MARK3: variants seen among roughly 807,000 people sequenced by gnomAD.
MARK3 encodes MAP/microtubule affinity-regulating kinase 3.
Under a neutral mutation model 90.1 loss-of-function variants are expected in MARK3, and 46 were observed. The observed-to-expected ratio is 0.51, with a 90% CI of 0.40 to 0.65. The LOEUF (loss-of-function observed/expected upper bound fraction) is 0.65. MARK3 is among the 30% of genes least tolerant of loss of function. The pLI, the probability that MARK3 is intolerant of heterozygous loss-of-function variation, is 0.00. For missense variants in MARK3, 818 were observed against 947.2 expected, an observed-to-expected ratio of 0.86 and a Z score of 1.79; for synonymous variants, 321 against 332.6, an observed-to-expected ratio of 0.97 and a Z score of 0.38.
Position 103,466,486 on chromosome 14 carries a change from A to G in MARK3, c.997+44A>G, listed in dbSNP as rs781739212. 6.1e-6 allele frequency: 8 copies of G among 1,302,508 alleles called. No individual in the cohort carries two copies. In the South Asian group the frequency reaches 8.7e-5, roughly 14 times the overall value. 80.7% of individuals were successfully genotyped at this position (1,302,508 alleles called of 1,614,324 possible). On this transcript the variant is annotated intron_variant, in intron 10 of 17. Transcript: ENST00000429436. ...CATGTTCATGTGTTTTTGTCTAAGTAACATATTTCTGTTTTGACTCATGTC... is the reference window on the plus strand; with the variant it reads ...CATGTTCATGTGTTTTTGTCTAAGTGACATATTTCTGTTTTGACTCATGTC...
intron 2 of MARK3, among the ~76,000 whole-genome samples, chr14:103,407,584 C>T (rs1393246656): frequency 3.1e-5 from 1 of 31,878 alleles, no homozygotes. Flanking sequence ...TTTTTTGAGA[C>T]GGAGTCTAGC....
chr14:103,413,528 A>G (rs1049096065), intron 2 of MARK3, among the ~76,000 whole-genome samples: 14 of 150,112 alleles, frequency 9.3e-5, no homozygotes, highest in South Asian at 2.1e-4. Context: ...GACTCAAGCA[A>G]CCTCCCACTT....
intron 6 of MARK3, chr14:103,458,764 C>A: frequency 1.4e-6 from 1 of 728,820 alleles, no homozygotes; most frequent in Admixed American, 1.9e-5. Context: ...GTTCAAGTCT[C>A]CTTTGATTTG....
chr14:103,444,146 T>C (rs1397000981), intron 3 of MARK3, among the ~76,000 whole-genome samples: 2 of 150,474 alleles, frequency 1.3e-5, no homozygotes, highest in Non-Finnish European at 3.0e-5. Flanking sequence ...TTTCTACTTG[T>C]CAAAAGGTAA....
chr14:103,458,725 A>C, intron 6 of MARK3: 8 of 715,462 alleles, frequency 1.1e-5, no homozygotes, highest in Non-Finnish European at 2.0e-5. Flanking sequence ...ATTCATATAC[A>C]GGGTTGTCAA....
intron 1 of MARK3, 197 bp downstream of exon 1, chr14:103,386,277 C>T (rs1016709174): frequency 4.2e-6 from 3 of 706,760 alleles, no homozygotes; most frequent in Non-Finnish European, 7.8e-6. Context: ...GGCGGGTCTG[C>T]GAAGTACATC....
rs1167386363 is a variant in MARK3, at chr14:103,462,457, T to G, written c.536T>G (p.Leu179Arg). 1 of 1,601,610 alleles carries G rather than the reference T, an allele frequency of 6.2e-7. No homozygotes were observed. The highest frequency in any genetic ancestry group is 8.5e-7 in the Non-Finnish European group (1 of 1,169,908). ...CHQKRIVHRD[L>R]KAENLLLDAD... ...CAGAAACGGATCGTACATCGAGACCTCAAGGTGAGTAGAAGTGCCTCACTC... is the reference window on the plus strand; with the variant it reads ...CAGAAACGGATCGTACATCGAGACCGCAAGGTGAGTAGAAGTGCCTCACTC... Residue 179 changes from leucine to arginine, a missense_variant, in exon 7 of 18, where the codon CTC becomes CGC. Coordinates refer to ENST00000429436, the MANE Select transcript of MARK3 (RefSeq NM_001128918.3).
chr14:103,387,882 A>G (rs781216876), intron 1 of MARK3, among the ~76,000 whole-genome samples: 12 of 152,154 alleles, frequency 7.9e-5, no homozygotes, highest in Admixed American at 2.0e-4. Flanking sequence ...ACTGAAGCCA[A>G]AAACAGTCAT....
At chr14:103,461,289 G>A (rs762023301) in intron 6 of MARK3, among the ~76,000 whole-genome samples, 1 of 152,224 alleles carries the variant, frequency 6.6e-6, no homozygotes, top group South Asian at 2.1e-4. Flanking sequence ...TAGTGGTAAT[G>A]CAGGAATATA....
At chr14:103,478,811 T>A (rs2093766161) in intron 13 of MARK3, among the ~76,000 whole-genome samples, 1 of 152,214 alleles carries the variant, frequency 6.6e-6, no homozygotes, top group Non-Finnish European at 1.5e-5. Flanking sequence ...AGCGCTGGGA[T>A]TACAGGCGTG....
intron 6 of MARK3, among the ~76,000 whole-genome samples, chr14:103,459,457 T>C (rs2093349236): frequency 2.0e-5 from 3 of 152,100 alleles, no homozygotes; most frequent in Admixed American, 2.0e-4. Context: ...AGGATACGCA[T>C]CATATTGGTG....
chr14:103,462,312 A>G, intron 6 of MARK3, 93 bp from the exon 7 acceptor site: 1 of 840,856 alleles, frequency 1.2e-6, no homozygotes, highest in Middle Eastern at 2.5e-4. Context: ...GCGTATACTG[A>G]GTATTCATTA....
chr14:103,503,029 C>T lies in MARK3; in HGVS notation c.2064C>T (p.Cys688=), dbSNP rs543183742. The T allele has an allele frequency of 1.2e-5, 20 of 1,614,224 alleles. No homozygotes were observed. Among genetic ancestry groups the T allele is most frequent in the South Asian group, 6.6e-5 (6 of 91,082 alleles). ...EIRKVLDANN[C]DYEQRERFLL... is the part of the protein sequence containing the mutation. ...GCAAAGTGTTGGACGCCAATAACTG[C>T]GACTATGAGCAGAGGGAGCGCTTCT... The change falls in exon 18 of 18, where the codon TGC becomes TGT. Residue 688 remains cysteine, a synonymous_variant. Transcript: ENST00000429436.
chr14:103,387,934 T>C (rs1183712496), intron 1 of MARK3, among the ~76,000 whole-genome samples: 2 of 151,866 alleles, frequency 1.3e-5, no homozygotes, highest in Non-Finnish European at 2.9e-5. Flanking sequence ...GGGTCTTTTT[T>C]CTTTCTTTCT....
Position 103,385,801 on chromosome 14 carries a change from C to T in MARK3, c.-229C>T, listed in dbSNP as rs968304081. 2.4e-6 allele frequency: 1 copy of T among 423,864 alleles called. No homozygotes were observed. Among genetic ancestry groups the T allele is most frequent in the Non-Finnish European group, 4.1e-6 (1 of 241,164 alleles). The allele number at this position is 423,864 out of a possible 1,614,324, so 26.3% of individuals were successfully genotyped here. A position where few individuals can be genotyped will look rare whatever the true frequency, so the allele number is the denominator to read the frequency against. ...CTCGGCTCCGCCACTGCCGCCCTCC[C>T]GGTCTCCTCGCCTCGGCCGCCGAGG... On this transcript the variant is annotated 5_prime_UTR_variant, in exon 1 of 18. Coordinates refer to ENST00000429436, the MANE Select transcript of MARK3 (RefSeq NM_001128918.3).
intron 11 of MARK3, chr14:103,467,760 A>G (rs1365251241): frequency 4.1e-6 from 1 of 241,322 alleles, no homozygotes; most frequent in African/African-American, 2.3e-5. Flanking sequence ...TAGCTTAGAA[A>G]TGACGTAAAG....
At position 103,465,712 on chromosome 14, in the gene MARK3, A is replaced by G. The variant is rs779705846; in HGVS notation, c.696A>G (p.Pro232=). The G allele has an allele frequency of 1.2e-6, 2 of 1,614,188 alleles. No homozygotes were observed. Among genetic ancestry groups the G allele is most frequent in the African/African-American group, 1.3e-5 (1 of 75,056 alleles). Residue 232 remains proline, a synonymous_variant, in exon 8 of 18, where the codon CCA becomes CCG. Transcript: ENST00000429436. ...TCCAGGGCAAGAAATATGACGGGCCAGAAGTGGATGTGTGGAGTCTGGGGG... is the reference window on the plus strand; with the variant it reads ...TCCAGGGCAAGAAATATGACGGGCCGGAAGTGGATGTGTGGAGTCTGGGGG... ...ELFQGKKYDG[P]EVDVWSLGVI...
intron 2 of MARK3, 96 bp from the exon 3 acceptor site, chr14:103,428,283 GTTGCTTGC>G (rs199659735): frequency 3.2e-5 from 19 of 601,182 alleles, no homozygotes; most frequent in African/African-American, 7.9e-5. Flanking sequence ...TTTGTGGTTT[GTTGCTTGC>G]TTGCTTGCTT....
intron 6 of MARK3, 62 bp downstream of exon 6, chr14:103,457,274 C>G: frequency 1.6e-6 from 2 of 1,274,010 alleles, no homozygotes; most frequent in Non-Finnish European, 2.3e-6. Flanking sequence ...AACCCTGAAG[C>G]AAACAAGTGT....
Sources: gnomAD v4.1 joint callset for allele counts (sites outside exome capture counted in the v4.1 genomes callset) on GRCh38, gnomAD v4.1.1 for gene constraint, MANE v1.5 for transcripts, NCBI Gene and HGNC (gene_info 2026-07-23, HGNC 2026-07-21) for gene names.